DENND11: variants seen among roughly 807,000 people sequenced by gnomAD.
DENND11 encodes the protein DENN domain-containing protein 11.
DENND11 carries 34 observed loss-of-function variants against 49.2 expected under a neutral mutation model. That is an observed-to-expected ratio of 0.69 (90% CI 0.53 to 0.92). DENND11 has a LOEUF of 0.92. Among genes scored for constraint, DENND11 ranks in the 40% least tolerant of loss-of-function variants. DENND11 has a pLI of 0.00. For missense variants in DENND11, 475 were observed against 581.6 expected (o/e 0.82, Z 1.88); for synonymous variants, 238 against 230.3 (o/e 1.03, Z -0.30).
chr7:141,666,637 C>T (rs1797900461), intron 4 of DENND11, among the ~76,000 whole-genome samples: 1 of 152,160 alleles, frequency 6.6e-6, no homozygotes, highest in Non-Finnish European at 1.5e-5. Context: ...CCCTGATACA[C>T]TGATGTTTGA....
In DENND11 at chr7:141,661,601, A is replaced by G. The variant is rs1181315704; in HGVS notation, c.*1055T>C. 2 of 152,180 alleles carry G rather than the reference A, an allele frequency of 1.3e-5. No individual in the cohort carries two copies. Among genetic ancestry groups the G allele is most frequent in the African/African-American group, 2.4e-5 (1 of 41,434 alleles). 9.4% of individuals were successfully genotyped at this position (152,180 alleles called of 1,614,324 possible). ...GTTTGTGAGGGGTCCAAAATGATAA[A>G]CCGTCTTGTTAGCATCATGCTCCAC... On this transcript the variant is annotated 3_prime_UTR_variant, in exon 9 of 9. Coordinates refer to ENST00000536163, the MANE Select transcript of DENND11 (RefSeq NM_001080392.2).
rs1269686894 is a variant in DENND11 at position 141,657,179 on chromosome 7, T to G, written c.*5477A>C. The G allele has an allele frequency of 6.6e-6, 1 of 152,632 alleles. No individual in the cohort carries two copies. Among genetic ancestry groups the G allele is most frequent in the East Asian group, 1.9e-4 (1 of 5,204 alleles). The allele number at this position is 152,632 out of a possible 1,614,324, so 9.5% of individuals were successfully genotyped here. A position where few individuals can be genotyped will look rare whatever the true frequency, so the allele number is the denominator to read the frequency against. ...AATGGGAAAACAGTTTTTCTAAGGC[T>G]ACAACTATTTGTTTAGGCTTATTTT... On this transcript the variant is annotated 3_prime_UTR_variant, in exon 9 of 9. Coordinates refer to ENST00000536163, the MANE Select transcript of DENND11 (RefSeq NM_001080392.2).
At chr7:141,666,797 G>A (rs1455758353) in intron 4 of DENND11, among the ~76,000 whole-genome samples, 3 of 152,222 alleles carry the variant, frequency 2.0e-5, no homozygotes, top group Non-Finnish European at 4.4e-5. Context: ...AACATGATGA[G>A]CAAACAGTCC....
chr7:141,685,684 T>G, intron 2 of DENND11, 48 bp from the exon 3 acceptor site: 1 of 1,593,814 alleles, frequency 6.3e-7, no homozygotes, highest in Middle Eastern at 1.7e-4. Context: ...GAGAGGAATT[T>G]TGAGATGCAA....
At chr7:141,670,804 G>A (rs117550067) in intron 4 of DENND11, among the ~76,000 whole-genome samples, 1,525 of 152,298 alleles carry the variant, frequency 0.01, 18 homozygotes, top group Non-Finnish European at 0.012. Flanking sequence ...CTTACAATAG[G>A]CTTATGGGGG....
chr7:141,700,913 C>A (rs1798500731), intron 1 of DENND11, among the ~76,000 whole-genome samples: 1 of 152,156 alleles, frequency 6.6e-6, no homozygotes. Flanking sequence ...AGGCACTCCA[C>A]ACTCCAGCAG....
chr7:141,697,416 G>C (rs1798432126), intron 1 of DENND11, among the ~76,000 whole-genome samples: 1 of 152,176 alleles, frequency 6.6e-6, no homozygotes, highest in Admixed American at 6.5e-5. Context: ...TTAAGCAAAT[G>C]AACCACAATT....
intron 4 of DENND11, among the ~76,000 whole-genome samples, chr7:141,670,100 G>A (rs1407164831): frequency 6.6e-5 from 10 of 150,874 alleles, no homozygotes; most frequent in Non-Finnish European, 1.2e-4. Context: ...GTGAGCCACC[G>A]CGCCCGGCCT....
rs1031659146 is a variant in DENND11, at chr7:141,659,215, G to A, written c.*3441C>T. The A allele has an allele frequency of 3.9e-5, 6 of 152,248 alleles. No homozygotes were observed. Among genetic ancestry groups the A allele is most frequent in the African/African-American group, 1.4e-4 (6 of 41,452 alleles). 9.4% of individuals were successfully genotyped at this position (152,248 alleles called of 1,614,324 possible). A position where few individuals can be genotyped will look rare whatever the true frequency, so the allele number is the denominator to read the frequency against. ...TGGAAGCACAGATGCTATAATGGAT[G>A]ATGGATATGGAAGGCAAAAGCCTTC... On this transcript the variant is annotated 3_prime_UTR_variant, in exon 9 of 9. Transcript: ENST00000536163.
intron 2 of DENND11, 29 bp downstream of exon 2, chr7:141,686,530 G>T: frequency 7.0e-7 from 1 of 1,422,770 alleles, no homozygotes; most frequent in Non-Finnish European, 9.9e-7. Flanking sequence ...GGAATGGTAC[G>T]AAGATGACTC....
At chr7:141,699,749 C>T (rs1230178051) in intron 1 of DENND11, among the ~76,000 whole-genome samples, 1 of 152,330 alleles carries the variant, frequency 6.6e-6, no homozygotes, top group African/African-American at 2.4e-5. Context: ...ATTACCTAAC[C>T]ATCCCTGGTA....
At chr7:141,665,478 G>A (rs1270586958) in intron 5 of DENND11, among the ~76,000 whole-genome samples, 160 bp from the exon 6 acceptor site, 7 of 152,174 alleles carry the variant, frequency 4.6e-5, no homozygotes, top group African/African-American at 1.7e-4. Context: ...GCCTTTTGGG[G>A]TGCCATGGCA....
In DENND11 at chr7:141,662,738, C is replaced by G. The variant is rs200320811; in HGVS notation, c.1286G>C (p.Gly429Ala). ...CAGGTCCAGGAGAAAGCTCCGGTCT[C>G]CTTGGGGGTCTAGGCCCATGCCCCG... Reference protein sequence around the residue: ...HARGMGLDPQGDRSFLLDLLE... With the variant: ...HARGMGLDPQADRSFLLDLLE... The change falls in exon 9 of 9, where the codon GGA becomes GCA. Residue 429 changes from glycine to alanine, a missense_variant. Gly to Ala is a moderately conservative substitution (Grantham distance 60, BLOSUM62 0). Coordinates refer to ENST00000536163, the MANE Select transcript of DENND11 (RefSeq NM_001080392.2). 1.2e-6 allele frequency: 2 copies of G among 1,612,058 alleles called. No individual in the cohort carries two copies. The highest frequency in any genetic ancestry group is 1.7e-6 in the Non-Finnish European group (2 of 1,179,198).
In DENND11 at chr7:141,657,224, T is replaced by G. The variant is rs1174756813; in HGVS notation, c.*5432A>C. ...TATTTTCCCGGACCTATACAAAAAT[T>G]CAGTCAACAAGTTTTGGGTAAATAA... On this transcript the variant is annotated 3_prime_UTR_variant, in exon 9 of 9. Coordinates refer to ENST00000536163, the MANE Select transcript of DENND11 (RefSeq NM_001080392.2). The G allele has an allele frequency of 6.6e-6, 1 of 152,518 alleles. No homozygotes were observed. The highest frequency in any genetic ancestry group is 6.5e-5 in the Admixed American group (1 of 15,274). The allele number at this position is 152,518 out of a possible 1,614,324, so 9.4% of individuals were successfully genotyped here. A position where few individuals can be genotyped will look rare whatever the true frequency, so the allele number is the denominator to read the frequency against.
intron 4 of DENND11, among the ~76,000 whole-genome samples, chr7:141,669,807 C>CTT (rs1293688525): frequency 3.6e-5 from 4 of 110,328 alleles, no homozygotes; most frequent in South Asian, 2.7e-4. Context: ...ATCATACATG[C>CTT]TATTTTTTTT....
intron 1 of DENND11, among the ~76,000 whole-genome samples, chr7:141,695,258 A>T (rs1335436799): frequency 6.6e-6 from 1 of 152,108 alleles, no homozygotes. Flanking sequence ...ATAAACGGGG[A>T]CTCTAAGTGA....
At chr7:141,669,536 G>A (rs566866507) in intron 4 of DENND11, among the ~76,000 whole-genome samples, 4 of 151,992 alleles carry the variant, frequency 2.6e-5, no homozygotes, top group Admixed American at 6.6e-5. Flanking sequence ...ATGAGCCGCC[G>A]TGCTCAGACT....
chr7:141,666,310 G>A lies in DENND11; in HGVS notation c.797C>T (p.Pro266Leu). The change falls in exon 5 of 9, where the codon CCT (proline) becomes CTT (leucine). Residue 266 changes from proline to leucine, a missense_variant. By Grantham distance (98) the Pro-to-Leu change is moderately conservative. Transcript: ENST00000536163. ...ACCTCTATAGCACACCACGCCCACAGGTGGGGGAGAAAATATCAAAATGCG... is the reference window on the plus strand; with the variant it reads ...ACCTCTATAGCACACCACGCCCACAAGTGGGGGAGAAAATATCAAAATGCG... ...RKRILIFSPPPVGVVCYRVYC... is the reference protein window; with the variant it reads ...RKRILIFSPPLVGVVCYRVYC... 1 of 1,613,000 alleles carries A rather than the reference G, an allele frequency of 6.2e-7. No homozygotes were observed. Among genetic ancestry groups the A allele is most frequent in the Non-Finnish European group, 8.5e-7 (1 of 1,179,348 alleles).
At chr7:141,666,142 A>G (rs905357005) in intron 5 of DENND11, 145 bp downstream of exon 5, 9 of 766,908 alleles carry the variant, frequency 1.2e-5, no homozygotes, top group Non-Finnish European at 1.7e-5. Context: ...AACAGTGTTC[A>G]CAGCCAATCA....
Sources: allele counts gnomAD v4.1 joint callset (sites outside exome capture counted in the v4.1 genomes callset), GRCh38; gene constraint gnomAD v4.1.1; transcripts MANE v1.5; gene names NCBI Gene and HGNC (gene_info 2026-07-23, HGNC 2026-07-21).